PRELID2: variants seen among roughly 807,000 people sequenced by gnomAD.
PRELID2 encodes the protein PRELI domain-containing protein 2.
Under a neutral mutation model 28.4 loss-of-function variants are expected in PRELID2, and 25 were observed. The observed-to-expected ratio is 0.88, with a 90% CI of 0.64 to 1.23. The LOEUF is 1.23. Ranked by LOEUF, PRELID2 falls within the 50% of genes most tolerant of loss-of-function variation. The probability of loss-of-function intolerance (pLI) is 0.00; values close to 1 mark genes in which losing one functional copy is unlikely to be tolerated. For synonymous variants in PRELID2, 76 were observed against 71.6 expected (o/e 1.06, Z -0.31); for missense variants, 201 against 214.4 (o/e 0.94, Z 0.39).
chr5:145,801,333 G>A (rs758536324), intron 4 of PRELID2, among the ~76,000 whole-genome samples: 2 of 152,048 alleles, frequency 1.3e-5, no homozygotes, highest in African/African-American at 2.4e-5. Context: ...CCCACGTTAT[G>A]TAATCTCGTT....
At chr5:145,595,924 C>T (rs574071275) in intron 1 of PRELID2, among the ~76,000 whole-genome samples, 21 of 151,914 alleles carry the variant, frequency 1.4e-4, no homozygotes, top group African/African-American at 2.9e-4. Context: ...TTTCTTCACT[C>T]ATATCTATTC....
intron 1 of PRELID2, among the ~76,000 whole-genome samples, chr5:145,704,685 C>T (rs2149705453): frequency 6.6e-6 from 1 of 152,338 alleles, no homozygotes; most frequent in South Asian, 2.1e-4. Flanking sequence ...CCATTTTTGA[C>T]AACGGCTGCA....
the PRELID2 span, among the ~76,000 whole-genome samples, chr5:145,271,129 C>A: frequency 6.6e-6 from 1 of 152,094 alleles, no homozygotes; most frequent in Non-Finnish European, 1.5e-5. Flanking sequence ...CACCTCCCAC[C>A]AGGTCTCTCC....
At chr5:145,448,979 T>C in the PRELID2 span, among the ~76,000 whole-genome samples, 2 of 152,122 alleles carry the variant, frequency 1.3e-5, no homozygotes, top group African/African-American at 2.4e-5. Flanking sequence ...TACTGGATCA[T>C]GCAACTGAAA....
intron 1 of PRELID2, among the ~76,000 whole-genome samples, chr5:145,497,059 T>C (rs934730909): frequency 1.8e-4 from 28 of 151,746 alleles, no homozygotes; most frequent in Non-Finnish European, 2.9e-5. Context: ...ATACAGGGTC[T>C]CGCTACATTG....
chr5:145,237,606 G>A, the PRELID2 span, among the ~76,000 whole-genome samples: 1 of 152,160 alleles, frequency 6.6e-6, no homozygotes, highest in Admixed American at 6.6e-5. Context: ...TCCCACCCTT[G>A]TAGCCTTTCA....
intron 1 of PRELID2, among the ~76,000 whole-genome samples, chr5:145,624,803 G>A (rs1753820882): frequency 6.6e-6 from 1 of 151,968 alleles, no homozygotes; most frequent in South Asian, 2.1e-4. Flanking sequence ...GAAGCATCAA[G>A]CCACAAACTA....
At chr5:145,253,804 G>T in the PRELID2 span, among the ~76,000 whole-genome samples, 1,709 of 151,206 alleles carry the variant, frequency 0.011, 45 homozygotes, top group African/African-American at 0.04. Context: ...AAGTGGTAAA[G>T]TATAGTTGCT....
intron 1 of PRELID2, among the ~76,000 whole-genome samples, chr5:145,828,508 G>A (rs1453525213): frequency 6.6e-6 from 1 of 152,128 alleles, no homozygotes; most frequent in Admixed American, 6.5e-5. Context: ...AGAAGCTCGT[G>A]CTTTACCAGT....
At chr5:145,384,253 T>C in the PRELID2 span, among the ~76,000 whole-genome samples, 2 of 152,184 alleles carry the variant, frequency 1.3e-5, no homozygotes, top group African/African-American at 2.4e-5. Flanking sequence ...CTGTTTCACA[T>C]AGGCATTTAT....
intron 1 of PRELID2, among the ~76,000 whole-genome samples, chr5:145,498,575 G>A (rs1315437074): frequency 6.6e-6 from 1 of 152,098 alleles, no homozygotes; most frequent in Non-Finnish European, 1.5e-5. Context: ...TGTTGCCTAG[G>A]ATGGAGTTCA....
At chr5:145,437,714 G>A in the PRELID2 span, among the ~76,000 whole-genome samples, 18 of 152,138 alleles carry the variant, frequency 1.2e-4, no homozygotes, top group Non-Finnish European at 1.9e-4. Context: ...AGTTTTGCAC[G>A]GAGGCCCTTC....
At chr5:145,742,326 A>ATT (rs201505408) in intron 1 of PRELID2, among the ~76,000 whole-genome samples, 97,925 of 136,398 alleles carry the variant, frequency 0.72, 36,014 homozygotes, top group East Asian at 0.93. Context: ...AAAAATAGAT[A>ATT]TATTTTTTTT....
the PRELID2 span, among the ~76,000 whole-genome samples, chr5:145,412,736 C>T: frequency 6.6e-6 from 1 of 152,154 alleles, no homozygotes; most frequent in Non-Finnish European, 1.5e-5. Context: ...AGTTTGTCCT[C>T]AAACTGCTAT....
intron 1 of PRELID2, among the ~76,000 whole-genome samples, chr5:145,594,922 G>A (rs1328625870): frequency 6.6e-6 from 1 of 152,124 alleles, no homozygotes; most frequent in African/African-American, 2.4e-5. Flanking sequence ...GAGGTCAGAA[G>A]TTCAAGATCA....
intron 1 of PRELID2, among the ~76,000 whole-genome samples, chr5:145,545,339 G>A (rs1463383304): frequency 2.0e-5 from 3 of 152,008 alleles, no homozygotes; most frequent in African/African-American, 4.8e-5. Context: ...CTCCTGGGAT[G>A]TGAGGCAGTG....
chr5:145,805,734 G>A (rs1581239212), intron 4 of PRELID2, among the ~76,000 whole-genome samples: 1 of 152,124 alleles, frequency 6.6e-6, no homozygotes, highest in East Asian at 1.9e-4. Context: ...ACATCATAGA[G>A]TGTACTTGCA....
intron 1 of PRELID2, among the ~76,000 whole-genome samples, chr5:145,586,397 A>G (rs62395867): frequency 0.11 from 16,580 of 151,978 alleles, 2,431 homozygotes; most frequent in African/African-American, 0.34. Flanking sequence ...AATCCTAGCA[A>G]TTTGGGAGGC....
intron 1 of PRELID2, among the ~76,000 whole-genome samples, chr5:145,586,255 A>T (rs559904976): frequency 1.3e-5 from 2 of 151,978 alleles, no homozygotes; most frequent in African/African-American, 2.4e-5. Flanking sequence ...CACACCCATT[A>T]TCTCTACTTA....
Sources: allele counts gnomAD v4.1 joint callset (sites outside exome capture counted in the v4.1 genomes callset), GRCh38; gene constraint gnomAD v4.1.1; transcripts MANE v1.5; gene names NCBI Gene and HGNC (gene_info 2026-07-23, HGNC 2026-07-21).